The following ME1 variants were observed in gnomAD, a reference collection of about 807,000 sequenced individuals.
ME1 encodes the protein NADP-dependent malic enzyme.
A neutral mutation model predicts 66.4 loss-of-function variants in ME1; 74 were observed. That is an observed-to-expected ratio of 1.11 (90% confidence interval 0.92 to 1.35). The LOEUF (loss-of-function observed/expected upper bound fraction) is 1.35. Ranked by LOEUF, ME1 falls within the 40% of genes most tolerant of loss-of-function variation. The pLI, the probability that ME1 is intolerant of heterozygous loss-of-function variation, is 0.00. For missense variants in ME1, 750 were observed against 694.1 expected, an observed-to-expected ratio of 1.08 and a Z score of -0.90; for synonymous variants, 251 against 235.6, an observed-to-expected ratio of 1.07 and a Z score of -0.60.
chr6:83,257,176 G>C (rs1766789136), intron 6 of ME1, among the ~76,000 whole-genome samples: 1 of 151,418 alleles, frequency 6.6e-6, no homozygotes, highest in Admixed American at 6.6e-5. Flanking sequence ...ATGTACCCCA[G>C]AACTTAAAGT....
rs145777697 is a variant in ME1 at position 83,294,794 on chromosome 6, G to A, written c.704+20516C>T. ...CCCCTGCTCCTCAATAGGCAGTGCCGCCCCCCATCCCAGGGCAATTGCACT... is the reference window on the plus strand; with the variant it reads ...CCCCTGCTCCTCAATAGGCAGTGCCACCCCCCATCCCAGGGCAATTGCACT... On this transcript the variant is annotated intron_variant, in intron 6 of 13. Transcript: ENST00000369705. 8.7e-3 allele frequency among the ~76,000 whole-genome samples: 1,320 copies of A among 152,058 alleles called. 16 individuals are homozygous for A. Among genetic ancestry groups the A allele is most frequent in the African/African-American group, 0.03 (1,232 of 41,460 alleles).
rs140157932 is a variant in ME1 at position 83,281,806 on chromosome 6, C to CAAAAAAAA, written c.705-28076_705-28069dup. Among the ~76,000 whole-genome samples, 8 of 13,286 alleles carry CAAAAAAAA rather than the reference C, an allele frequency of 6.0e-4. 1 individual carries two copies. The highest frequency in any genetic ancestry group is 4.2e-3 in the South Asian group (1 of 238). The allele number at this position is 13,286 out of a possible 152,430, so 8.7% of individuals were successfully genotyped here. On this transcript the variant is annotated intron_variant, in intron 6 of 13. Coordinates refer to ENST00000369705, the MANE Select transcript of ME1 (RefSeq NM_002395.6). ...GGGTGACAGACTGAGACTCTGTCTC[C>CAAAAAAAA]AAAAAAAAAAAAAAAAAAAAAAAAA...
intron 6 of ME1, among the ~76,000 whole-genome samples, chr6:83,256,583 A>G (rs1179045342): frequency 6.6e-6 from 1 of 152,194 alleles, no homozygotes; most frequent in Non-Finnish European, 1.5e-5. Context: ...ACGCTTTTAC[A>G]CTGTTAATGG....
intron 3 of ME1, among the ~76,000 whole-genome samples, chr6:83,365,369 C>T (rs1446879826): frequency 6.6e-6 from 1 of 152,150 alleles, no homozygotes; most frequent in African/African-American, 2.4e-5. Flanking sequence ...GCTGGGATTA[C>T]AGGCATGAGC....
At chr6:83,237,859 G>T in intron 8 of ME1, 29 bp from the exon 9 acceptor site, 1 of 1,269,894 alleles carries the variant, frequency 7.9e-7, no homozygotes, top group Non-Finnish European at 1.1e-6. Context: ...AAATTTTAAA[G>T]TTGTTCTACA....
At chr6:83,279,681 A>G (rs1767254448) in intron 6 of ME1, among the ~76,000 whole-genome samples, 1 of 152,220 alleles carries the variant, frequency 6.6e-6, no homozygotes, top group Admixed American at 6.5e-5. Context: ...AATCACAATG[A>G]GAATACAAGA....
At chr6:83,308,535 A>G (rs1409502305) in intron 6 of ME1, among the ~76,000 whole-genome samples, 7 of 151,708 alleles carry the variant, frequency 4.6e-5, no homozygotes, top group Non-Finnish European at 1.0e-4. Context: ...ACACATATTT[A>G]AGAGCTTTAA....
At chr6:83,258,197 T>G (rs1193963190) in intron 6 of ME1, among the ~76,000 whole-genome samples, 1 of 152,166 alleles carries the variant, frequency 6.6e-6, no homozygotes, top group Non-Finnish European at 1.5e-5. Flanking sequence ...ACCTTATCAT[T>G]TACAAAAGTT....
intron 6 of ME1, among the ~76,000 whole-genome samples, chr6:83,299,398 A>G (rs1562473788): frequency 6.6e-6 from 1 of 151,428 alleles, no homozygotes; most frequent in Non-Finnish European, 1.5e-5. Context: ...ATGATTTGGC[A>G]TTCGTCTATT....
chr6:83,356,965 G>A (rs925220907), intron 3 of ME1, among the ~76,000 whole-genome samples: 5 of 152,068 alleles, frequency 3.3e-5, no homozygotes, highest in Admixed American at 1.3e-4. Context: ...TCAAAATGCT[G>A]TGCAATATTT....
intron 9 of ME1, among the ~76,000 whole-genome samples, chr6:83,230,504 T>A (rs960725561): frequency 6.6e-6 from 1 of 152,186 alleles, no homozygotes; most frequent in African/African-American, 2.4e-5. Context: ...ATGTAATGCA[T>A]GTAAAACACT....
rs1766812036 is a variant in ME1, at chr6:83,257,878, G to T, written c.705-4140C>A. The stretch of plus-strand genomic sequence containing the variant: ...TTTGGAGAGTGCTGTCATATGGTTT[G>T]CTCCCAATGTATCATATACTGGTGG... On this transcript the variant is annotated intron_variant, in intron 6 of 13. Transcript: ENST00000369705. Among the ~76,000 whole-genome samples, 16 of 152,228 alleles carry T rather than the reference G, an allele frequency of 1.1e-4. 1 individual carries two copies. In the South Asian group the frequency reaches 3.3e-3, roughly 32 times the overall value.
At chr6:83,309,678 G>A (rs1464938265) in intron 6 of ME1, among the ~76,000 whole-genome samples, 2 of 152,104 alleles carry the variant, frequency 1.3e-5, no homozygotes, top group Non-Finnish European at 2.9e-5. Flanking sequence ...AGATTTGGGA[G>A]TCACAAATAT....
chr6:83,225,754 T>G (rs1790186016), intron 11 of ME1, among the ~76,000 whole-genome samples: 1 of 150,566 alleles, frequency 6.6e-6, no homozygotes, highest in Non-Finnish European at 1.5e-5. Context: ...ACTAAATTAT[T>G]ACTTCATATA....
intron 1 of ME1, among the ~76,000 whole-genome samples, chr6:83,419,631 C>T (rs1282397538): frequency 2.0e-5 from 3 of 152,182 alleles, no homozygotes; most frequent in Non-Finnish European, 4.4e-5. Flanking sequence ...ATACTTTTCA[C>T]ATTATTATAT....
At chr6:83,388,285 C>T (rs1769553586) in intron 3 of ME1, among the ~76,000 whole-genome samples, 1 of 152,070 alleles carries the variant, frequency 6.6e-6, no homozygotes, top group African/African-American at 2.4e-5. Context: ...GGGGTTTCAC[C>T]ATGTTGCCCA....
intron 3 of ME1, among the ~76,000 whole-genome samples, chr6:83,396,289 A>G (rs1769729919): frequency 6.6e-6 from 1 of 152,122 alleles, no homozygotes; most frequent in Admixed American, 6.5e-5. Context: ...ACTTGAACCC[A>G]GGAGGCAAAG....
intron 3 of ME1, among the ~76,000 whole-genome samples, chr6:83,394,126 T>C (rs1012092649): frequency 3.3e-5 from 5 of 151,956 alleles, no homozygotes; most frequent in African/African-American, 1.2e-4. Flanking sequence ...ACAATTACTT[T>C]GCAATACAAT....
intron 3 of ME1, among the ~76,000 whole-genome samples, chr6:83,375,333 G>A (rs531823032): frequency 3.3e-5 from 5 of 151,996 alleles, no homozygotes; most frequent in Middle Eastern, 3.4e-3. Context: ...CTGTATTCCC[G>A]GGTATTTTAT....
Sources: allele counts gnomAD v4.1 joint callset (sites outside exome capture counted in the v4.1 genomes callset), GRCh38; gene constraint gnomAD v4.1.1; transcripts MANE v1.5; gene names NCBI Gene and HGNC (gene_info 2026-07-23, HGNC 2026-07-21).